CDH12: variants seen among roughly 807,000 people sequenced by gnomAD.
The protein encoded by CDH12 is cadherin 12.
CDH12 carries 41 observed loss-of-function variants against 74.1 expected under a neutral mutation model. The ratio of observed to expected loss-of-function variants is 0.55; its 90% CI spans 0.43 to 0.72. CDH12 has a LOEUF of 0.72. Among genes scored for constraint, CDH12 ranks in the 30% least tolerant of loss-of-function variants. The probability of loss-of-function intolerance (pLI) is 0.00; values close to 1 mark genes in which losing one functional copy is unlikely to be tolerated. For missense variants in CDH12, 945 were observed against 977.2 expected (o/e 0.97, Z 0.44); for synonymous variants, 399 against 355.0 (o/e 1.12, Z -1.39).
At chr5:22,554,115 T>C (rs913049796) in intron 1 of CDH12, among the ~76,000 whole-genome samples, 1 of 152,052 alleles carries the variant, frequency 6.6e-6, no homozygotes, top group African/African-American at 2.4e-5. Context: ...GAAACAATTA[T>C]GGAGACAGTA....
intron 3 of CDH12, among the ~76,000 whole-genome samples, chr5:22,227,822 T>A (rs1219519381): frequency 1.3e-5 from 2 of 152,128 alleles, no homozygotes; most frequent in Non-Finnish European, 2.9e-5. Context: ...AATCCCTTCC[T>A]CATTTGGAAA....
intron 5 of CDH12, among the ~76,000 whole-genome samples, chr5:22,069,729 G>A (rs947034496): frequency 1.5e-4 from 23 of 152,240 alleles, no homozygotes; most frequent in African/African-American, 5.3e-4. Flanking sequence ...GAGTGCCAAT[G>A]GGAAATTGGA....
chr5:22,246,262 AT>A (rs1423951611), intron 3 of CDH12, among the ~76,000 whole-genome samples: 6 of 152,306 alleles, frequency 3.9e-5, no homozygotes, highest in South Asian at 4.1e-4. Context: ...AAACACATTT[AT>A]CAGGAAGACA....
chr5:22,276,254 A>C (rs565898942), intron 3 of CDH12, among the ~76,000 whole-genome samples: 2 of 152,322 alleles, frequency 1.3e-5, no homozygotes, highest in East Asian at 1.9e-4. Context: ...GGACAACAAC[A>C]GGGCATTAAA....
chr5:22,531,050 A>T lies in CDH12; in HGVS notation c.-522-25686T>A, dbSNP rs543193048. Among the ~76,000 whole-genome samples the T allele has an allele frequency of 3.9e-4, 59 of 152,196 alleles. No individual in the cohort carries two copies. In the South Asian group the frequency reaches 0.012, roughly 31 times the overall value. On this transcript the variant is annotated intron_variant, in intron 1 of 14. Coordinates refer to ENST00000382254, the MANE Select transcript of CDH12 (RefSeq NM_004061.5). ...ATGTATATCTCTGAAAGTCTTTGCT[A>T]TGCATGATTTTTTGGGGAAGAGAAC...
intron 1 of CDH12, among the ~76,000 whole-genome samples, chr5:22,707,566 AAAC>A (rs1188758747): frequency 6.6e-6 from 1 of 152,276 alleles, no homozygotes; most frequent in South Asian, 2.1e-4. Context: ...AATATAAACA[AAAC>A]AACAAAAGCA....
At chr5:21,824,991 C>G (rs577224656) in intron 8 of CDH12, among the ~76,000 whole-genome samples, 9 of 151,606 alleles carry the variant, frequency 5.9e-5, no homozygotes, top group Admixed American at 3.3e-4. Flanking sequence ...CCATCTCTAC[C>G]AAAAATAAAA....
intron 6 of CDH12, among the ~76,000 whole-genome samples, chr5:21,916,807 T>G (rs1331689951): frequency 6.6e-6 from 1 of 152,336 alleles, no homozygotes; most frequent in Middle Eastern, 3.4e-3. Context: ...TCCTAGGAGA[T>G]ACCCCACTAG....
chr5:21,932,154 A>T (rs1251008144), intron 6 of CDH12, among the ~76,000 whole-genome samples: 2 of 152,190 alleles, frequency 1.3e-5, no homozygotes, highest in Non-Finnish European at 2.9e-5. Flanking sequence ...ATTTTATTTT[A>T]AAGTGTTGGA....
intron 4 of CDH12, among the ~76,000 whole-genome samples, chr5:22,096,001 C>T (rs557652489): frequency 1.3e-5 from 2 of 151,842 alleles, no homozygotes; most frequent in South Asian, 2.1e-4. Flanking sequence ...ATGCCCCAAC[C>T]CCTTTCCTGC....
chr5:22,451,493 T>A (rs1180221459), intron 2 of CDH12, among the ~76,000 whole-genome samples: 3 of 151,890 alleles, frequency 2.0e-5, no homozygotes, highest in African/African-American at 7.2e-5. Context: ...TCAATAGATG[T>A]GGAAAAAGCA....
intron 1 of CDH12, among the ~76,000 whole-genome samples, chr5:22,597,834 G>T (rs1340322024): frequency 6.6e-6 from 1 of 151,964 alleles, no homozygotes; most frequent in Non-Finnish European, 1.5e-5. Flanking sequence ...TTAATGTGCA[G>T]GTATTCAAGT....
chr5:21,920,861 T>C (rs1319165601), intron 6 of CDH12, among the ~76,000 whole-genome samples: 1 of 152,040 alleles, frequency 6.6e-6, no homozygotes, highest in African/African-American at 2.4e-5. Flanking sequence ...TTTAGGAAAG[T>C]AACTGAGTGA....
chr5:22,596,300 G>A (rs1736602618), intron 1 of CDH12, among the ~76,000 whole-genome samples: 1 of 146,232 alleles, frequency 6.8e-6, no homozygotes, highest in East Asian at 2.2e-4. Flanking sequence ...AATTAGCTGG[G>A]TGTGGTGGCG....
chr5:22,837,618 C>G (rs1736889906), intron 1 of CDH12, among the ~76,000 whole-genome samples: 1 of 152,120 alleles, frequency 6.6e-6, no homozygotes, highest in Admixed American at 6.6e-5. Flanking sequence ...AGGATCACAT[C>G]ATACTTTTCA....
At chr5:21,843,753 C>T (rs1750006041) in intron 7 of CDH12, among the ~76,000 whole-genome samples, 1 of 152,070 alleles carries the variant, frequency 6.6e-6, no homozygotes, top group South Asian at 2.1e-4. Flanking sequence ...AGCTCAGGCT[C>T]CTGAAGCTTC....
intron 1 of CDH12, among the ~76,000 whole-genome samples, chr5:22,680,539 G>C (rs754969475): frequency 2.0e-5 from 3 of 152,040 alleles, no homozygotes; most frequent in Non-Finnish European, 4.4e-5. Flanking sequence ...GAAGACACAA[G>C]CTGGAAAATG....
chr5:22,232,945 G>C (rs1441441978), intron 3 of CDH12, among the ~76,000 whole-genome samples: 1 of 149,088 alleles, frequency 6.7e-6, no homozygotes, highest in Non-Finnish European at 1.5e-5. Context: ...CCTTTGTAGA[G>C]AATCGAATAA....
intron 1 of CDH12, among the ~76,000 whole-genome samples, chr5:22,554,974 G>C (rs1205042237): frequency 6.6e-6 from 1 of 152,038 alleles, no homozygotes; most frequent in Non-Finnish European, 1.5e-5. Context: ...TACCCAAAGA[G>C]CATGAAGAAA....
Sources: gnomAD v4.1 joint callset for allele counts (sites outside exome capture counted in the v4.1 genomes callset) on GRCh38, gnomAD v4.1.1 for gene constraint, MANE v1.5 for transcripts, NCBI Gene and HGNC (gene_info 2026-07-23, HGNC 2026-07-21) for gene names.